Variants in KCNH8 observed in about 807,000 individuals in gnomAD.
KCNH8 encodes voltage-gated delayed rectifier potassium channel KCNH8.
Under a neutral mutation model 103.6 loss-of-function variants are expected in KCNH8, and 70 were observed. The observed-to-expected ratio is 0.68, with a 90% CI of 0.56 to 0.82. KCNH8 has a LOEUF of 0.82. Among genes scored for constraint, KCNH8 ranks in the 40% least tolerant of loss-of-function variants. The pLI is 0.00. For missense variants in KCNH8, 1,217 were observed against 1,329.9 expected (o/e 0.92, Z 1.32); for synonymous variants, 498 against 489.4 (o/e 1.02, Z -0.23).
chr3:19,290,802 G>A (rs1325211547), intron 3 of KCNH8, among the ~76,000 whole-genome samples: 1 of 152,188 alleles, frequency 6.6e-6, no homozygotes, highest in African/African-American at 2.4e-5. Context: ...CTATTGATTG[G>A]AATAGTTTCA....
intron 15 of KCNH8, among the ~76,000 whole-genome samples, chr3:19,526,145 T>C (rs983087458): frequency 4.0e-5 from 6 of 151,858 alleles, no homozygotes; most frequent in African/African-American, 9.7e-5. Context: ...CAGGGGAGGA[T>C]TGGTATAATT....
intron 3 of KCNH8, among the ~76,000 whole-genome samples, chr3:19,333,186 CT>C (rs2065534813): frequency 6.6e-6 from 1 of 152,000 alleles, no homozygotes; most frequent in Non-Finnish European, 1.5e-5. Flanking sequence ...TGCTTATTTT[CT>C]AATTGGATTG....
chr3:19,511,067 C>T (rs2068775083), intron 12 of KCNH8, among the ~76,000 whole-genome samples: 2 of 152,086 alleles, frequency 1.3e-5, no homozygotes, highest in African/African-American at 2.4e-5. Context: ...CATAGGTATA[C>T]ATGTGCCCTG....
rs576059338 is a variant in KCNH8 at position 19,474,950 on chromosome 3, AT to A, written c.2040+17969del. 2.0e-5 allele frequency among the ~76,000 whole-genome samples: 3 copies of A among 152,342 alleles called. No individual in the cohort carries two copies. The South Asian group carries it at 6.2e-4, about 32-fold the overall frequency. On this transcript the variant is annotated intron_variant, in intron 11 of 15. Transcript: ENST00000328405. ...ATAGAGAACAACGAAATAGGATTCT[AT>A]CAAAAAGAGCAATGAAGAGGATCCA...
At chr3:19,171,086 C>A (rs1397751066) in intron 1 of KCNH8, among the ~76,000 whole-genome samples, 1 of 152,048 alleles carries the variant, frequency 6.6e-6, no homozygotes, top group Non-Finnish European at 1.5e-5. Flanking sequence ...AGGCCTGAGC[C>A]ACCACGCCCG....
chr3:19,480,128 G>A (rs986250198), intron 11 of KCNH8, among the ~76,000 whole-genome samples: 2 of 152,162 alleles, frequency 1.3e-5, no homozygotes, highest in African/African-American at 4.8e-5. Flanking sequence ...CGTAAACAAT[G>A]CAAATAGATT....
chr3:19,211,004 A>C (rs1239171949), intron 1 of KCNH8, among the ~76,000 whole-genome samples: 4 of 152,148 alleles, frequency 2.6e-5, no homozygotes, highest in African/African-American at 9.7e-5. Flanking sequence ...CACTATCCTT[A>C]GCCTTCATCT....
intron 5 of KCNH8, among the ~76,000 whole-genome samples, chr3:19,387,939 T>G (rs564608962): frequency 9.2e-5 from 14 of 152,064 alleles, no homozygotes; most frequent in Middle Eastern, 3.2e-3. Flanking sequence ...ACCTGTTGTT[T>G]TTTTTTTTCA....
intron 5 of KCNH8, among the ~76,000 whole-genome samples, chr3:19,372,451 T>C (rs868840069): frequency 2.4e-4 from 36 of 150,998 alleles, no homozygotes; most frequent in South Asian, 1.5e-3. Flanking sequence ...GTGATTTTTG[T>C]ACATTGATTT....
rs145792937 is a variant in KCNH8, at chr3:19,216,501, T to C, written c.77-37153T>C. Reference sequence around the variant, plus strand: ...TCTTCTTAATAGATCTCCAGTATCATGGTCCTTGCCCCTCTGACCAAAATG... The same window carrying C: ...TCTTCTTAATAGATCTCCAGTATCACGGTCCTTGCCCCTCTGACCAAAATG... On this transcript the variant is annotated intron_variant, in intron 1 of 15. Coordinates refer to ENST00000328405, the MANE Select transcript of KCNH8 (RefSeq NM_144633.3). Among the ~76,000 whole-genome samples the C allele has an allele frequency of 1.6e-4, 25 of 152,390 alleles. No homozygotes were observed. The East Asian group carries it at 4.4e-3, about 27-fold the overall frequency.
At chr3:19,375,340 CTTCAT>C (rs1012963439) in intron 5 of KCNH8, among the ~76,000 whole-genome samples, 7 of 149,824 alleles carry the variant, frequency 4.7e-5, no homozygotes, top group African/African-American at 1.7e-4. Context: ...TCCCTTCTCG[CTTCAT>C]TTCATTCATT....
intron 3 of KCNH8, among the ~76,000 whole-genome samples, chr3:19,317,285 C>A (rs1361154298): frequency 6.6e-6 from 1 of 152,016 alleles, no homozygotes; most frequent in East Asian, 1.9e-4. Flanking sequence ...AATTTTCACA[C>A]TAGAATTCTT....
At chr3:19,508,627 A>G (rs142011928) in intron 11 of KCNH8, among the ~76,000 whole-genome samples, 1 of 152,302 alleles carries the variant, frequency 6.6e-6, no homozygotes, top group African/African-American at 2.4e-5. Context: ...AATAACTGTG[A>G]TGTTGGTCAT....
intron 3 of KCNH8, among the ~76,000 whole-genome samples, chr3:19,323,007 A>T (rs1398145239): frequency 6.6e-6 from 1 of 152,060 alleles, no homozygotes. Context: ...GCATTTTGCA[A>T]TTCTCTAAGT....
chr3:19,453,525 A>G, intron 10 of KCNH8, among the ~76,000 whole-genome samples: 1 of 152,092 alleles, frequency 6.6e-6, no homozygotes, highest in East Asian at 1.9e-4. Context: ...AAATCATGCA[A>G]TTTATTATTT....
At chr3:19,292,138 A>G (rs928804834) in intron 3 of KCNH8, among the ~76,000 whole-genome samples, 3 of 152,200 alleles carry the variant, frequency 2.0e-5, no homozygotes, top group Admixed American at 6.5e-5. Flanking sequence ...CACAGAGCCC[A>G]ATGAAATTAT....
intron 7 of KCNH8, among the ~76,000 whole-genome samples, chr3:19,407,151 CCAAA>C (rs879584646): frequency 2.6e-5 from 4 of 151,426 alleles, no homozygotes; most frequent in Non-Finnish European, 4.4e-5. Flanking sequence ...ATTCTGAAGC[CCAAA>C]CATAGTATTT....
chr3:19,173,626 C>T (rs1158713149), intron 1 of KCNH8, among the ~76,000 whole-genome samples: 1 of 151,860 alleles, frequency 6.6e-6, no homozygotes, highest in Non-Finnish European at 1.5e-5. Flanking sequence ...AGGCATAAAC[C>T]TACACACACA....
At position 19,199,292 on chromosome 3, in the gene KCNH8, T is replaced by G. The variant is rs550896204; in HGVS notation, c.76+50497T>G. Among the ~76,000 whole-genome samples the G allele has an allele frequency of 2.7e-3, 414 of 152,222 alleles. 3 individuals carry two copies. The highest frequency in any genetic ancestry group is 4.1e-3 in the Non-Finnish European group (282 of 67,990). ...CTTTTAGAACAGTAAGTTCCACAAATGTCAGAGCATAAACTTTCATTATAG... is the reference window on the plus strand; with the variant it reads ...CTTTTAGAACAGTAAGTTCCACAAAGGTCAGAGCATAAACTTTCATTATAG... On this transcript the variant is annotated intron_variant, in intron 1 of 15. Transcript: ENST00000328405.
Sources: allele counts gnomAD v4.1 joint callset (sites outside exome capture counted in the v4.1 genomes callset), GRCh38; gene constraint gnomAD v4.1.1; transcripts MANE v1.5; gene names NCBI Gene and HGNC (gene_info 2026-07-23, HGNC 2026-07-21).